The following PDE10A variants were observed in gnomAD, a reference collection of about 807,000 sequenced individuals.
PDE10A encodes phosphodiesterase 10A, also known as cAMP and cAMP-inhibited cGMP 3',5'-cyclic phosphodiesterase 10A.
Under a neutral mutation model 97.7 loss-of-function variants are expected in PDE10A, and 39 were observed. The observed-to-expected ratio is 0.40, with a 90% CI of 0.31 to 0.52. PDE10A has a LOEUF of 0.52. Ranked by LOEUF, PDE10A falls within the 20% of genes least tolerant of loss-of-function variation. The pLI, the probability that PDE10A is intolerant of heterozygous loss-of-function variation, is 0.56. For synonymous variants in PDE10A, 371 were observed against 376.8 expected (o/e 0.98, Z 0.18); for missense variants, 731 against 1,047.8 (o/e 0.70, Z 4.17).
intron 1 of PDE10A, among the ~76,000 whole-genome samples, chr6:165,699,125 G>C (rs1260722863): frequency 6.6e-6 from 1 of 152,142 alleles, no homozygotes; most frequent in Non-Finnish European, 1.5e-5. Flanking sequence ...GATACAAATA[G>C]ATTTAAGGTA....
chr6:165,764,081 T>C (rs1195700179), intron 1 of PDE10A, among the ~76,000 whole-genome samples: 1 of 152,208 alleles, frequency 6.6e-6, no homozygotes, highest in African/African-American at 2.4e-5. Flanking sequence ...TCAGTAGAGA[T>C]GGCAGGGTGA....
intron 1 of PDE10A, among the ~76,000 whole-genome samples, chr6:165,673,642 T>C (rs1050524294): frequency 1.3e-5 from 2 of 152,258 alleles, no homozygotes; most frequent in African/African-American, 4.8e-5. Flanking sequence ...ACATTCTGTC[T>C]TCACACTTTC....
intron 3 of PDE10A, among the ~76,000 whole-genome samples, chr6:165,477,172 T>G (rs145457975): frequency 5.3e-5 from 8 of 152,288 alleles, no homozygotes; most frequent in Non-Finnish European, 1.0e-4. Context: ...TGCCTTGCTA[T>G]GCCTCCAGGG....
At chr6:165,563,750 A>G (rs908235793) in intron 1 of PDE10A, among the ~76,000 whole-genome samples, 6 of 152,076 alleles carry the variant, frequency 3.9e-5, no homozygotes, top group Admixed American at 6.6e-5. Flanking sequence ...AATTAGCCAG[A>G]CATGGTGGTG....
At chr6:165,945,846 C>T (rs1412995308) in intron 1 of PDE10A, among the ~76,000 whole-genome samples, 3 of 152,188 alleles carry the variant, frequency 2.0e-5, no homozygotes, top group Admixed American at 1.3e-4. Flanking sequence ...TACAATAATG[C>T]TAATTCTGTC....
At position 165,703,363 on chromosome 6, in the gene PDE10A, C is replaced by T. The variant is rs868708166; in HGVS notation, c.-614-159795G>A. Among the ~76,000 whole-genome samples the T allele has an allele frequency of 7.9e-5, 12 of 152,244 alleles. No homozygotes were observed. In the Middle Eastern group the frequency reaches 0.014, roughly 173 times the overall value. ...GTGGGAATAAACATGCATGTCATTT[C>T]GCCACGTTTTAGAGTTGTAAAAGGG... On this transcript the variant is annotated intron_variant, in intron 1 of 19. Coordinates refer to the PDE10A transcript ENST00000366882.
rs80216914 is a variant in PDE10A, at chr6:165,478,078, C to T, written c.1023+4237G>A. On this transcript the variant is annotated intron_variant, in intron 3 of 21. Transcript: ENST00000539869. ...ACTCCCAAATGCATATCTCTACCTACGAACTTTTCTTTTAATTTGACCATA... is the reference window on the plus strand; with the variant it reads ...ACTCCCAAATGCATATCTCTACCTATGAACTTTTCTTTTAATTTGACCATA... Among the ~76,000 whole-genome samples the T allele has an allele frequency of 1.0e-3, 152 of 152,270 alleles. 1 individual carries two copies. Among genetic ancestry groups the T allele is most frequent in the African/African-American group, 3.2e-3 (135 of 41,546 alleles).
chr6:165,685,756 C>T (rs1017329809), intron 1 of PDE10A, among the ~76,000 whole-genome samples: 8 of 152,168 alleles, frequency 5.3e-5, no homozygotes, highest in African/African-American at 1.7e-4. Context: ...AAAATATATC[C>T]ATGTCCTTGG....
chr6:165,387,465 T>C (rs570819645), intron 17 of PDE10A, among the ~76,000 whole-genome samples: 1 of 152,300 alleles, frequency 6.6e-6, no homozygotes, highest in African/African-American at 2.4e-5. Context: ...AGAGGAGGCC[T>C]GGCCTATTCA....
At chr6:165,524,425 G>A (rs1782306795) in intron 2 of PDE10A, among the ~76,000 whole-genome samples, 2 of 152,148 alleles carry the variant, frequency 1.3e-5, no homozygotes, top group African/African-American at 4.8e-5. Flanking sequence ...AAACTGTTTA[G>A]AAAGTTATGC....
intron 1 of PDE10A, among the ~76,000 whole-genome samples, chr6:165,814,379 AACATC>A (rs1779355031): frequency 1.3e-5 from 2 of 152,208 alleles, no homozygotes; most frequent in Non-Finnish European, 2.9e-5. Context: ...GGCCATTATG[AACATC>A]ACGTGAAATA....
chr6:165,861,957 G>A (rs1780917439), intron 1 of PDE10A, among the ~76,000 whole-genome samples: 1 of 152,138 alleles, frequency 6.6e-6, no homozygotes, highest in Non-Finnish European at 1.5e-5. Flanking sequence ...GCAACTCTTA[G>A]GAAAGACTCC....
intron 2 of PDE10A, among the ~76,000 whole-genome samples, chr6:165,536,406 AT>A (rs1383251832): frequency 6.6e-6 from 1 of 152,024 alleles, no homozygotes; most frequent in Non-Finnish European, 1.5e-5. Context: ...CTGGACAAAG[AT>A]TTTTTTGAGT....
intron 13 of PDE10A, among the ~76,000 whole-genome samples, chr6:165,400,105 C>T (rs1786527633): frequency 6.6e-6 from 1 of 152,056 alleles, no homozygotes; most frequent in African/African-American, 2.4e-5. Flanking sequence ...AGTGGTGCTG[C>T]AACAACCAAA....
chr6:165,346,987 C>G (rs1782355273), intron 18 of PDE10A, among the ~76,000 whole-genome samples: 1 of 152,052 alleles, frequency 6.6e-6, no homozygotes, highest in Admixed American at 6.6e-5. Context: ...TGTTTAGAAG[C>G]TGTCATCTAG....
chr6:165,663,970 A>ACAGATG (rs1790425650), upstream of PDE10A, among the ~76,000 whole-genome samples: 1 of 152,174 alleles, frequency 6.6e-6, no homozygotes. Flanking sequence ...GCAAGAGCGC[A>ACAGATG]CACAGATGCA....
Position 165,693,027 on chromosome 6 carries a change from A to G in PDE10A, c.-614-149459T>C, listed in dbSNP as rs571475911. On this transcript the variant is annotated intron_variant, in intron 1 of 19. Transcript: ENST00000366882. ...CAGTCTGGATAACCATTAACAGCTT[A>G]AAAGATATATCAGTGCTAGGTGTCA... is the stretch of plus-strand genomic sequence containing the variant. Among the ~76,000 whole-genome samples the G allele has an allele frequency of 3.9e-5, 6 of 152,324 alleles. No homozygotes were observed. In the East Asian group the frequency reaches 1.2e-3, roughly 29 times the overall value.
At chr6:165,956,893 C>A (rs1350720210) in intron 1 of PDE10A, among the ~76,000 whole-genome samples, 1 of 152,202 alleles carries the variant, frequency 6.6e-6, no homozygotes, top group East Asian at 1.9e-4. Flanking sequence ...CTATTGACTG[C>A]ATGGGCCACT....
chr6:165,532,153 T>C (rs536093), intron 2 of PDE10A, among the ~76,000 whole-genome samples: 88,726 of 151,870 alleles, frequency 0.58, 30,274 homozygotes, highest in Non-Finnish European at 0.75. Flanking sequence ...ATTGGAATTG[T>C]TTGTGCCAGC....
Sources: gnomAD v4.1 joint callset for allele counts (sites outside exome capture counted in the v4.1 genomes callset) on GRCh38, gnomAD v4.1.1 for gene constraint, MANE v1.5 for transcripts, NCBI Gene and HGNC (gene_info 2026-07-23, HGNC 2026-07-21) for gene names.